RPS6KA1: variants seen among roughly 807,000 people sequenced by gnomAD.
The protein encoded by RPS6KA1 is ribosomal protein S6 kinase A1, also known as ribosomal protein S6 kinase alpha-1.
RPS6KA1 carries 48 observed loss-of-function variants against 91.3 expected under a neutral mutation model. That is an observed-to-expected ratio of 0.53 (90% CI 0.42 to 0.67). The LOEUF (loss-of-function observed/expected upper bound fraction) is 0.67. Among genes scored for constraint, RPS6KA1 ranks in the 30% least tolerant of loss-of-function variants. The pLI, the probability that RPS6KA1 is intolerant of heterozygous loss-of-function variation, is 0.00. For synonymous variants in RPS6KA1, 359 were observed against 384.7 expected, an observed-to-expected ratio of 0.93 and a Z score of 0.78; for missense variants, 719 against 960.5, an observed-to-expected ratio of 0.75 and a Z score of 3.32.
At chr1:26,552,503 TC>T (rs1300417973) in intron 6 of RPS6KA1, among the ~76,000 whole-genome samples, 1 of 150,002 alleles carries the variant, frequency 6.7e-6, no homozygotes. Flanking sequence ...TTTTTTTTTT[TC>T]AGATGGAGTT....
chr1:26,573,767 A>G (rs1249034519), intron 21 of RPS6KA1, among the ~76,000 whole-genome samples: 2 of 151,968 alleles, frequency 1.3e-5, no homozygotes, highest in Admixed American at 6.6e-5. Context: ...GTGAAACCCC[A>G]TCTCTACTAA....
chr1:26,547,520 G>A lies in RPS6KA1; in HGVS notation c.307+250G>A, dbSNP rs2076006227. On this transcript the variant is annotated intron_variant, in intron 4 of 21. Transcript: ENST00000374168. The surrounding 1 kb of genome is among the most constrained non-coding windows in gnomAD (Gnocchi z 4.1). ...GGTAAATGCAATGTGTTTGTCAGGG[G>A]GCGGGGCCCTCAACTACCAAGCTGG... 1 of 455,010 alleles carries A rather than the reference G, an allele frequency of 2.2e-6. No individual in the cohort carries two copies. The highest frequency in any genetic ancestry group is 4.1e-6 in the Non-Finnish European group (1 of 245,418). The allele number at this position is 455,010 out of a possible 1,614,324, so 28.2% of individuals were successfully genotyped here.
At chr1:26,566,461 A>G in intron 17 of RPS6KA1, among the ~76,000 whole-genome samples, 1 of 151,254 alleles carries the variant, frequency 6.6e-6, no homozygotes, top group East Asian at 1.9e-4. Context: ...ATTTTTTTGT[A>G]TTTTTAGTAG....
chr1:26,558,878 C>T lies in RPS6KA1; in HGVS notation c.1156C>T (p.Leu386=), dbSNP rs966089918. ...GGGCTTCAGCTTCGTGGCCACCGGC[C>T]TGATGGAAGACGACGGCAAGCCTCG... ...FRGFSFVATG[L]MEDDGKPRAP... is the part of the protein sequence containing the mutation. Residue 386 remains leucine (L), a synonymous_variant, in exon 14 of 22, where the codon CTG becomes TTG. Transcript: ENST00000374168. This position sits in a 1 kb window ranked among gnomAD's most constrained non-coding sequence, Gnocchi z 4.0. 6.2e-7 allele frequency: 1 copy of T among 1,613,940 alleles called. No homozygotes were observed. Among genetic ancestry groups the T allele is most frequent in the Non-Finnish European group, 8.5e-7 (1 of 1,179,832 alleles).
Position 26,561,677 on chromosome 1 carries a change from C to A in RPS6KA1, c.1590+14C>A. Reference sequence around the variant, plus strand: ...CACTCACAGGGGGTGAGTCTGGATTCGGGGAGGCAGTAGGGGGATGCCAAG... The same window carrying A: ...CACTCACAGGGGGTGAGTCTGGATTAGGGGAGGCAGTAGGGGGATGCCAAG... On this transcript the variant is annotated intron_variant, in intron 17 of 21. Transcript: ENST00000374168. This position sits in a 1 kb window ranked among gnomAD's most constrained non-coding sequence, Gnocchi z 5.7. 6.3e-7 allele frequency: 1 copy of A among 1,583,408 alleles called. No individual in the cohort carries two copies. The highest frequency in any genetic ancestry group is 8.6e-7 in the Non-Finnish European group (1 of 1,162,266).
chr1:26,556,594 C>T (rs1264694521), intron 11 of RPS6KA1, 60 bp from the exon 12 acceptor site: 1 of 1,570,980 alleles, frequency 6.4e-7, no homozygotes, highest in Non-Finnish European at 8.8e-7. Context: ...GCTTGGTGGG[C>T]AGGGTAATAT....
At position 26,561,296 on chromosome 1, in the gene RPS6KA1, T is replaced by C. The variant is rs1196364979; in HGVS notation, c.1431+162T>C. Among the ~76,000 whole-genome samples, 1 of 151,992 alleles carries C rather than the reference T, an allele frequency of 6.6e-6. No homozygotes were observed. Among genetic ancestry groups the C allele is most frequent in the African/African-American group, 2.4e-5 (1 of 41,294 alleles). ...CAGTCTGCCCATACCCCAAGGGCCC[T>C]CCTTCAGACTCAGACATTTTCTGAG... is the stretch of plus-strand genomic sequence containing the variant. On this transcript the variant is annotated intron_variant, in intron 16 of 21. Coordinates refer to ENST00000374168, the MANE Select transcript of RPS6KA1 (RefSeq NM_002953.4). This position sits in a 1 kb window ranked among gnomAD's most constrained non-coding sequence, Gnocchi z 5.7.
At position 26,555,326 on chromosome 1, in the gene RPS6KA1, A is replaced by T; in HGVS notation, c.827+105A>T. On this transcript the variant is annotated intron_variant, in intron 10 of 21. Coordinates refer to ENST00000374168, the MANE Select transcript of RPS6KA1 (RefSeq NM_002953.4). The surrounding 1 kb of genome is among the most constrained non-coding windows in gnomAD (Gnocchi z 4.3). ...TGTCCCTGCCTCAGCTACCCTCTCT[A>T]ATGAGACTCTCCTCTGGGTTAAACA... The T allele has an allele frequency of 8.7e-7, 1 of 1,151,816 alleles. No homozygotes were observed. Among genetic ancestry groups the T allele is most frequent in the East Asian group, 2.5e-5 (1 of 39,942 alleles). 71.3% of individuals were successfully genotyped at this position (1,151,816 alleles called of 1,614,324 possible). A position where few individuals can be genotyped will look rare whatever the true frequency, so the allele number is the denominator to read the frequency against.
chr1:26,535,861 G>A (rs376354681), intron 1 of RPS6KA1, among the ~76,000 whole-genome samples: 7 of 152,024 alleles, frequency 4.6e-5, no homozygotes, highest in African/African-American at 1.7e-4. Flanking sequence ...ATTAAATGGT[G>A]CCACAGGGGC....
At position 26,574,274 on chromosome 1, in the gene RPS6KA1, C is replaced by T. The variant is rs781330123; in HGVS notation, c.*73C>T. The T allele has an allele frequency of 3.1e-5, 50 of 1,588,960 alleles. No individual in the cohort carries two copies. The highest frequency in any genetic ancestry group is 1.5e-4 in the Admixed American group (9 of 59,908). On this transcript the variant is annotated 3_prime_UTR_variant, in exon 22 of 22. Coordinates refer to ENST00000374168, the MANE Select transcript of RPS6KA1 (RefSeq NM_002953.4). This position sits in a 1 kb window ranked among gnomAD's most constrained non-coding sequence, Gnocchi z 4.3. ...AGCATGCTTCCCAGAGGGAGCAGGC[C>T]GGAACCACAGGGCCAGAGGGAGCTG...
In RPS6KA1 at chr1:26,555,604, C is replaced by T. The variant is rs1386386265; in HGVS notation, c.895C>T (p.Arg299Trp). ...GAGCCTCTTGCGGGCCCTGTTCAAG[C>T]GGAATCCTGCCAACCGGCTCGGTAA... ...AQSLLRALFKRNPANRLGSGP... is the reference protein window; with the variant it reads ...AQSLLRALFKWNPANRLGSGP... Residue 299 changes from arginine to tryptophan, a missense_variant, in exon 11 of 22, where the codon CGG becomes TGG. Arg to Trp is a moderately radical substitution (Grantham distance 101). Transcript: ENST00000374168. This position sits in a 1 kb window ranked among gnomAD's most constrained non-coding sequence, Gnocchi z 4.3. 1.2e-6 allele frequency: 2 copies of T among 1,600,260 alleles called. No individual in the cohort carries two copies. The highest frequency in any genetic ancestry group is 8.5e-7 in the Non-Finnish European group (1 of 1,172,778).
chr1:26,571,700 C>A lies in RPS6KA1; in HGVS notation c.1752+90C>A. On this transcript the variant is annotated intron_variant, in intron 18 of 21. Coordinates refer to ENST00000374168, the MANE Select transcript of RPS6KA1 (RefSeq NM_002953.4). The surrounding 1 kb of genome is among the most constrained non-coding windows in gnomAD (Gnocchi z 5.1). ...AGAGGCCCCACATTAGCCGGGACTCCAGTCTCTGTGACCTTGGCCCAGCTG... is the reference window on the plus strand; with the variant it reads ...AGAGGCCCCACATTAGCCGGGACTCAAGTCTCTGTGACCTTGGCCCAGCTG... 1.3e-6 allele frequency: 2 copies of A among 1,524,706 alleles called. No homozygotes were observed. The highest frequency in any genetic ancestry group is 1.9e-5 in the Admixed American group (1 of 51,810). 94.4% of individuals were successfully genotyped at this position (1,524,706 alleles called of 1,614,324 possible).
In RPS6KA1 at chr1:26,572,157, C is replaced by A. The variant is rs190579610; in HGVS notation, c.1830-19C>A. On this transcript the variant is annotated intron_variant, in intron 19 of 21. Transcript: ENST00000374168. ...TGGAGGCCAGAGTCTGTACCCAGACCGTGCGGGCTTTTCTGCAGATATACT... is the reference window on the plus strand; with the variant it reads ...TGGAGGCCAGAGTCTGTACCCAGACAGTGCGGGCTTTTCTGCAGATATACT... 3.1e-6 allele frequency: 5 copies of A among 1,596,644 alleles called. No homozygotes were observed. Among genetic ancestry groups the A allele is most frequent in the Non-Finnish European group, 3.4e-6 (4 of 1,164,148 alleles).
Position 26,574,147 on chromosome 1 carries a change from G to A in RPS6KA1, c.2154G>A (p.Glu718=), listed in dbSNP as rs2076276031. 2 of 1,614,134 alleles carry A rather than the reference G, an allele frequency of 1.2e-6. No individual in the cohort carries two copies. Among genetic ancestry groups the A allele is most frequent in the Middle Eastern group, 1.6e-4 (1 of 6,062 alleles). The change falls in exon 22 of 22, where the codon GAG becomes GAA. Residue 718 remains glutamate (E), a synonymous_variant. Coordinates refer to ENST00000374168, the MANE Select transcript of RPS6KA1 (RefSeq NM_002953.4). This position sits in a 1 kb window ranked among gnomAD's most constrained non-coding sequence, Gnocchi z 4.3. ...CCACCCCCCAGCTGAAGCCCATCGA[G>A]TCATCCATCCTGGCCCAGCGGCGAG... is the stretch of plus-strand genomic sequence containing the variant. ...SKPTPQLKPI[E]SSILAQRRVR... is the part of the protein sequence containing the mutation.
intron 17 of RPS6KA1, among the ~76,000 whole-genome samples, chr1:26,562,519 G>A (rs145935461): frequency 1.4e-3 from 219 of 152,284 alleles, no homozygotes; most frequent in African/African-American, 5.0e-3. Flanking sequence ...TGCTGGAAAC[G>A]TAGCAGGGAC....
intron 2 of RPS6KA1, among the ~76,000 whole-genome samples, chr1:26,544,903 T>C (rs2075978840): frequency 6.6e-6 from 1 of 151,986 alleles, no homozygotes; most frequent in African/African-American, 2.4e-5. Context: ...TCTTTACCTA[T>C]TGGGTATATG....
chr1:26,554,778 TC>T lies in RPS6KA1; in HGVS notation c.756+41del, dbSNP rs766770789. 5.4e-5 allele frequency: 85 copies of T among 1,565,596 alleles called. 2 individuals are homozygous for T. The South Asian group carries it at 9.2e-4, about 17-fold the overall frequency. On this transcript the variant is annotated intron_variant, in intron 9 of 21. Transcript: ENST00000374168. The surrounding 1 kb of genome is among the most constrained non-coding windows in gnomAD (Gnocchi z 4.6). ...AGGGGTAAAGGATCCAGCCCAAGCC[TC>T]TGGCCTCAGTCTCCCTATCTGTACA...
intron 17 of RPS6KA1, among the ~76,000 whole-genome samples, chr1:26,569,227 G>A (rs2076229749): frequency 6.6e-6 from 1 of 152,038 alleles, no homozygotes; most frequent in Admixed American, 6.5e-5. Flanking sequence ...TCTGTAAAAT[G>A]GAGCTAATAA....
At position 26,555,691 on chromosome 1, in the gene RPS6KA1, C is replaced by A; in HGVS notation, c.916+66C>A. The stretch of plus-strand genomic sequence containing the variant: ...GAGCCGGGTACAGCTGCAGCCTAGG[C>A]CACAGGGCCACATCTGGGCTGAAAG... On this transcript the variant is annotated intron_variant, in intron 11 of 21. Transcript: ENST00000374168. This position sits in a 1 kb window ranked among gnomAD's most constrained non-coding sequence, Gnocchi z 4.3. 1.4e-6 allele frequency: 2 copies of A among 1,430,720 alleles called. No homozygotes were observed. The highest frequency in any genetic ancestry group is 1.4e-5 in the African/African-American group (1 of 70,728). 88.6% of individuals were successfully genotyped at this position (1,430,720 alleles called of 1,614,324 possible).
Sources: gnomAD v4.1 joint callset for allele counts (sites outside exome capture counted in the v4.1 genomes callset) on GRCh38, gnomAD v4.1.1 for gene constraint, Gnocchi (gnomAD v3.1) non-coding constraint, MANE v1.5 for transcripts, NCBI Gene and HGNC (gene_info 2026-07-23, HGNC 2026-07-21) for gene names.